The following DPH6 variants were observed in gnomAD, a reference collection of about 807,000 sequenced individuals.
The protein encoded by DPH6 is diphthamine biosynthesis 6.
DPH6 carries 33 observed loss-of-function variants against 38.2 expected under a neutral mutation model. The ratio of observed to expected loss-of-function variants is 0.86; its 90% CI spans 0.65 to 1.15. DPH6 has a LOEUF of 1.15. DPH6 is among the 50% of genes most tolerant of loss of function. The probability of loss-of-function intolerance (pLI) is 0.00; values close to 1 mark genes in which losing one functional copy is unlikely to be tolerated. For synonymous variants in DPH6, 108 were observed against 103.0 expected (o/e 1.05, Z -0.30); for missense variants, 325 against 320.0 (o/e 1.02, Z -0.12).
At chr15:35,321,020 T>C (rs180759951) in intron 3 of DPH6, among the ~76,000 whole-genome samples, 73 of 152,322 alleles carry the variant, frequency 4.8e-4, no homozygotes, top group African/African-American at 1.5e-3. Flanking sequence ...TCAATTGTGA[T>C]GTTATCTACA....
chr15:35,263,964 CG>C (rs1275920266), intron 3 of DPH6, among the ~76,000 whole-genome samples: 1 of 152,096 alleles, frequency 6.6e-6, no homozygotes, highest in Non-Finnish European at 1.5e-5. Context: ...CTGCCCACCT[CG>C]GCCTCACAAA....
At chr15:35,487,006 T>C (rs1477336738) in intron 3 of DPH6, among the ~76,000 whole-genome samples, 1 of 152,176 alleles carries the variant, frequency 6.6e-6, no homozygotes, top group Non-Finnish European at 1.5e-5. Flanking sequence ...CCATTAAATC[T>C]TGAAACTCCA....
At chr15:35,277,676 G>A (rs917072777) in intron 3 of DPH6, among the ~76,000 whole-genome samples, 1 of 152,158 alleles carries the variant, frequency 6.6e-6, no homozygotes, top group Non-Finnish European at 1.5e-5. Flanking sequence ...GACATGGACA[G>A]TGAAGTCCAA....
In DPH6 at chr15:35,407,528, T is replaced by C. The variant is rs541559015; in HGVS notation, c.567+3307A>G. Among the ~76,000 whole-genome samples, 4 of 152,122 alleles carry C rather than the reference T, an allele frequency of 2.6e-5. No homozygotes were observed. The South Asian group carries it at 8.3e-4, about 32-fold the overall frequency. On this transcript the variant is annotated intron_variant, in intron 6 of 8. Transcript: ENST00000256538. ...CTTGGCAAGATTATTGGAGCTTACA[T>C]TGTAATGGTACAGGGTAGGTAATAC... is the stretch of plus-strand genomic sequence containing the variant.
downstream of DPH6, among the ~76,000 whole-genome samples, chr15:35,329,556 T>TTC (rs1475484922): frequency 6.6e-6 from 1 of 152,180 alleles, no homozygotes; most frequent in Non-Finnish European, 1.5e-5. Context: ...TTAAAAGGAC[T>TTC]TCTGTATGCT....
chr15:35,491,186 TATAAC>T (rs1202490491), intron 3 of DPH6, among the ~76,000 whole-genome samples: 2 of 149,652 alleles, frequency 1.3e-5, no homozygotes, highest in African/African-American at 4.9e-5. Context: ...CACACACACA[TATAAC>T]ATAAATAATG....
chr15:35,399,856 G>A (rs1054936107), intron 6 of DPH6, among the ~76,000 whole-genome samples: 2 of 152,146 alleles, frequency 1.3e-5, no homozygotes, highest in African/African-American at 2.4e-5. Context: ...AAAAATTTAC[G>A]CCCATGGGTT....
chr15:35,411,533 T>C (rs1481017840), intron 5 of DPH6, among the ~76,000 whole-genome samples: 1 of 151,694 alleles, frequency 6.6e-6, no homozygotes, highest in Non-Finnish European at 1.5e-5. Flanking sequence ...TTAATAAAGA[T>C]TCAACTGACA....
chr15:35,482,048 C>T (rs2054333694), intron 3 of DPH6, among the ~76,000 whole-genome samples: 1 of 152,128 alleles, frequency 6.6e-6, no homozygotes, highest in South Asian at 2.1e-4. Context: ...TTGCCTGGAG[C>T]CACTCCCATA....
chr15:35,216,341 A>G (rs2051410839), downstream of DPH6, among the ~76,000 whole-genome samples: 1 of 152,244 alleles, frequency 6.6e-6, no homozygotes, highest in Non-Finnish European at 1.5e-5. Flanking sequence ...TTTTGATAGT[A>G]TATAGATTTG....
chr15:35,307,820 T>G (rs2052105717), intron 3 of DPH6, among the ~76,000 whole-genome samples: 1 of 152,176 alleles, frequency 6.6e-6, no homozygotes, highest in Non-Finnish European at 1.5e-5. Context: ...TAAAAGAGAA[T>G]GAGTGAGCAC....
At chr15:35,432,760 C>T (rs937735747) in intron 5 of DPH6, among the ~76,000 whole-genome samples, 3 of 151,858 alleles carry the variant, frequency 2.0e-5, no homozygotes, top group African/African-American at 7.3e-5. Context: ...CATATTCCAC[C>T]TGAATGAATT....
the DPH6 span, among the ~76,000 whole-genome samples, chr15:35,171,209 T>C: frequency 6.6e-6 from 1 of 152,210 alleles, no homozygotes; most frequent in Non-Finnish European, 1.5e-5. Flanking sequence ...TCCTTTTAAA[T>C]GGTTCGTCTG....
the DPH6 span, among the ~76,000 whole-genome samples, chr15:35,212,053 C>T: frequency 1.3e-5 from 2 of 152,156 alleles, no homozygotes; most frequent in African/African-American, 4.8e-5. Flanking sequence ...GATAAAATAT[C>T]TGTGAGTGTT....
intron 3 of DPH6, chr15:35,522,210 C>G: frequency 1.2e-6 from 2 of 1,613,320 alleles, no homozygotes. Context: ...TGCCCACTTT[C>G]AAATGCATGT....
chr15:35,299,211 A>T (rs1595466877), intron 3 of DPH6: 1 of 1,317,472 alleles, frequency 7.6e-7, no homozygotes, highest in East Asian at 2.3e-5. Context: ...AGGATCCTTC[A>T]GCCCAGCTGG....
chr15:35,443,898 A>G (rs1002078893), intron 5 of DPH6, among the ~76,000 whole-genome samples: 10 of 152,202 alleles, frequency 6.6e-5, no homozygotes, highest in Non-Finnish European at 1.3e-4. Context: ...AGTTAAACCA[A>G]GATAACAGCT....
intron 3 of DPH6, among the ~76,000 whole-genome samples, chr15:35,261,083 A>G (rs1433299381): frequency 6.6e-6 from 1 of 152,210 alleles, no homozygotes; most frequent in African/African-American, 2.4e-5. Flanking sequence ...GTTGGAATTT[A>G]TTTCTGCATA....
intron 3 of DPH6, among the ~76,000 whole-genome samples, chr15:35,227,402 C>T (rs1388151630): frequency 6.6e-6 from 1 of 151,800 alleles, no homozygotes; most frequent in Admixed American, 6.6e-5. Context: ...CCAGGATGGT[C>T]TCAACCTCCT....
Sources: allele counts gnomAD v4.1 joint callset (sites outside exome capture counted in the v4.1 genomes callset), GRCh38; gene constraint gnomAD v4.1.1; transcripts MANE v1.5; gene names NCBI Gene and HGNC (gene_info 2026-07-23, HGNC 2026-07-21).